CAMKMT: variants seen among roughly 807,000 people sequenced by gnomAD.
The protein encoded by CAMKMT is CaM KMT.
Under a neutral mutation model 48.0 loss-of-function variants are expected in CAMKMT, and 53 were observed. The observed-to-expected ratio is 1.10, with a 90% CI of 0.89 to 1.39. The LOEUF (loss-of-function observed/expected upper bound fraction) is 1.39. Ranked by LOEUF, CAMKMT falls within the 40% of genes most tolerant of loss-of-function variation. CAMKMT has a pLI of 0.00. For synonymous variants in CAMKMT, 165 were observed against 152.3 expected (o/e 1.08, Z -0.61); for missense variants, 428 against 402.7 (o/e 1.06, Z -0.54).
At chr2:44,749,937 G>A (rs1403945291) in intron 8 of CAMKMT, among the ~76,000 whole-genome samples, 3 of 152,204 alleles carry the variant, frequency 2.0e-5, no homozygotes, top group Non-Finnish European at 4.4e-5. Flanking sequence ...TGCAGCATTA[G>A]AAATGGGAGT....
At chr2:44,740,508 T>G (rs1679618080) in intron 7 of CAMKMT, among the ~76,000 whole-genome samples, 1 of 152,098 alleles carries the variant, frequency 6.6e-6, no homozygotes, top group Admixed American at 6.5e-5. Context: ...AGTGTCAGAA[T>G]TTTGAAGGGA....
chr2:44,558,342 T>C (rs1395640525), intron 3 of CAMKMT, among the ~76,000 whole-genome samples: 2 of 152,142 alleles, frequency 1.3e-5, no homozygotes, highest in Non-Finnish European at 2.9e-5. Context: ...GCCTGGATAA[T>C]TGTCGGTTTT....
At chr2:44,634,577 G>A (rs1389913101) in intron 3 of CAMKMT, among the ~76,000 whole-genome samples, 1 of 151,812 alleles carries the variant, frequency 6.6e-6, no homozygotes, top group Non-Finnish European at 1.5e-5. Context: ...GAGTACCTAC[G>A]ATGTGCTAGG....
At chr2:44,602,948 T>C (rs1258027303) in intron 3 of CAMKMT, among the ~76,000 whole-genome samples, 1 of 151,986 alleles carries the variant, frequency 6.6e-6, no homozygotes, top group Non-Finnish European at 1.5e-5. Context: ...TATTGCCAAG[T>C]AAGTGGTAGT....
chr2:44,728,597 A>T (rs1386465929), intron 7 of CAMKMT, among the ~76,000 whole-genome samples: 3 of 152,008 alleles, frequency 2.0e-5, no homozygotes, highest in African/African-American at 7.2e-5. Context: ...TCAGAAGTTG[A>T]TGTTGGTCTA....
intron 3 of CAMKMT, among the ~76,000 whole-genome samples, chr2:44,482,303 AG>A (rs1332943646): frequency 2.6e-5 from 4 of 152,168 alleles, no homozygotes; most frequent in Non-Finnish European, 2.9e-5. Context: ...ACATATGACT[AG>A]TTTTGTAAGC....
At chr2:44,679,393 A>G (rs1573058631) in intron 3 of CAMKMT, among the ~76,000 whole-genome samples, 1 of 152,302 alleles carries the variant, frequency 6.6e-6, no homozygotes, top group Middle Eastern at 3.4e-3. Flanking sequence ...GAAGGGTTCA[A>G]GAATAAATGC....
intron 3 of CAMKMT, among the ~76,000 whole-genome samples, chr2:44,534,855 A>G (rs577219177): frequency 6.6e-6 from 1 of 152,122 alleles, no homozygotes; most frequent in African/African-American, 2.4e-5. Context: ...AAAATTACTA[A>G]AAGGAAAGAA....
chr2:44,394,976 T>C (rs886493432), intron 3 of CAMKMT: 2 of 451,934 alleles, frequency 4.4e-6, no homozygotes, highest in African/African-American at 4.0e-5. Context: ...CTGGGCAATA[T>C]AGCAAGACTT....
intron 3 of CAMKMT, among the ~76,000 whole-genome samples, chr2:44,509,780 C>G (rs1011726171): frequency 6.6e-6 from 1 of 152,086 alleles, no homozygotes; most frequent in Non-Finnish European, 1.5e-5. Context: ...ACCATGAGAG[C>G]AAGTTGTTAT....
intron 3 of CAMKMT, among the ~76,000 whole-genome samples, chr2:44,571,019 G>A (rs577773287): frequency 6.6e-6 from 1 of 152,260 alleles, no homozygotes; most frequent in African/African-American, 2.4e-5. Flanking sequence ...TGATTTAAAG[G>A]TTAGATAGTC....
chr2:44,442,984 T>G (rs1172286493), intron 3 of CAMKMT, among the ~76,000 whole-genome samples: 1 of 152,268 alleles, frequency 6.6e-6, no homozygotes, highest in African/African-American at 2.4e-5. Context: ...TCTTTTGTGC[T>G]GCTTTTCTTT....
At chr2:44,586,252 T>C (rs574782342) in intron 3 of CAMKMT, among the ~76,000 whole-genome samples, 13 of 152,292 alleles carry the variant, frequency 8.5e-5, no homozygotes, top group Admixed American at 5.2e-4. Flanking sequence ...CACAGCTTTA[T>C]TGAAGTATAA....
chr2:44,657,837 T>C lies in CAMKMT; in HGVS notation c.377-46446T>C, dbSNP rs1301770192. Among the ~76,000 whole-genome samples, 1 of 152,196 alleles carries C rather than the reference T, an allele frequency of 6.6e-6. No homozygotes were observed. Among genetic ancestry groups the C allele is most frequent in the African/African-American group, 2.4e-5 (1 of 41,454 alleles). On this transcript the variant is annotated intron_variant, in intron 3 of 10. Coordinates refer to ENST00000378494, the MANE Select transcript of CAMKMT (RefSeq NM_024766.5). The surrounding 1 kb of genome is among the most constrained non-coding windows in gnomAD (Gnocchi z 4.3). ...AAATGAGATTGTACCCCTTTAGAGC[T>C]GGAGTCCAAAATAGTATGGCATACT...
chr2:44,401,639 C>CA (rs1425079646), intron 3 of CAMKMT, among the ~76,000 whole-genome samples: 2 of 151,912 alleles, frequency 1.3e-5, no homozygotes, highest in Admixed American at 6.6e-5. Context: ...AGAATTTTGG[C>CA]AAAAAAATGG....
At chr2:44,430,414 C>G (rs546819976) in intron 3 of CAMKMT, among the ~76,000 whole-genome samples, 1 of 151,624 alleles carries the variant, frequency 6.6e-6, no homozygotes, top group Non-Finnish European at 1.5e-5. Flanking sequence ...AGAAGGCAGC[C>G]TCTCATCAGT....
chr2:44,766,282 C>T, intron 9 of CAMKMT, 148 bp from the exon 10 acceptor site: 2 of 772,442 alleles, frequency 2.6e-6, no homozygotes, highest in Non-Finnish European at 4.2e-6. Flanking sequence ...AAATTATTCT[C>T]ACTGTGAATG....
At chr2:44,639,240 T>C (rs560698082) in intron 3 of CAMKMT, among the ~76,000 whole-genome samples, 1 of 152,374 alleles carries the variant, frequency 6.6e-6, no homozygotes, top group East Asian at 1.9e-4. Flanking sequence ...AATTAATTTA[T>C]TGTGTTCATC....
intron 8 of CAMKMT, among the ~76,000 whole-genome samples, chr2:44,745,473 T>C (rs895893107): frequency 6.6e-6 from 1 of 152,230 alleles, no homozygotes; most frequent in African/African-American, 2.4e-5. Flanking sequence ...TACACTGATA[T>C]ACATAATGCA....
Sources: allele counts gnomAD v4.1 joint callset (sites outside exome capture counted in the v4.1 genomes callset), GRCh38; gene constraint gnomAD v4.1.1; non-coding constraint Gnocchi (gnomAD v3.1); transcripts MANE v1.5; gene names NCBI Gene and HGNC (gene_info 2026-07-23, HGNC 2026-07-21).